Variants in TSHZ3 observed in about 807,000 individuals in gnomAD.
TSHZ3 encodes teashirt homolog 3.
Under a neutral mutation model 64.5 loss-of-function variants are expected in TSHZ3, and 10 were observed. That is an observed-to-expected ratio of 0.16 (90% CI 0.10 to 0.26). TSHZ3 has a LOEUF of 0.26. TSHZ3 is among the 10% of genes least tolerant of loss of function. The pLI is 1.00. For synonymous variants in TSHZ3, 608 were observed against 593.1 expected (o/e 1.03, Z -0.36); for missense variants, 1,242 against 1,421.7 (o/e 0.87, Z 2.03).
intron 5 of TSHZ3, among the ~76,000 whole-genome samples, chr19:31,200,592 G>A (rs1975068172): frequency 6.6e-6 from 1 of 152,174 alleles, no homozygotes; most frequent in Non-Finnish European, 1.5e-5. Flanking sequence ...CAGGCGAACA[G>A]ACGAAGCACA....
intron 4 of TSHZ3, among the ~76,000 whole-genome samples, chr19:31,214,361 G>A (rs1348529817): frequency 1.3e-5 from 2 of 152,246 alleles, no homozygotes; most frequent in African/African-American, 4.8e-5. Context: ...CCAGCCAAGA[G>A]GAGCTAGCTT....
intron 1 of TSHZ3, among the ~76,000 whole-genome samples, chr19:31,328,615 GGTC>G (rs1372311282): frequency 9.2e-5 from 14 of 152,194 alleles, no homozygotes; most frequent in Middle Eastern, 3.2e-3. Flanking sequence ...AATCTTAACA[GGTC>G]TATTTTTCTT....
Position 31,348,299 on chromosome 19 carries a change from A to G in TSHZ3, c.40+881T>C, listed in dbSNP as rs527488644. Among the ~76,000 whole-genome samples the G allele has an allele frequency of 3.3e-5, 5 of 152,304 alleles. No individual in the cohort carries two copies. The South Asian group carries it at 8.3e-4, about 25-fold the overall frequency. On this transcript the variant is annotated intron_variant, in intron 1 of 1. Coordinates refer to ENST00000240587, the MANE Select transcript of TSHZ3 (RefSeq NM_020856.4). ...AATCAGTCATCAAATCAAGGATGGC[A>G]ACGGGCCAGAAACCCTTCTTCCAGG...
chr19:31,227,335 G>T lies in TSHZ3; in HGVS notation n.686+670C>A, dbSNP rs868453095. On this transcript the variant is annotated intron_variant and non_coding_transcript_variant, in intron 4 of 6. Coordinates refer to the TSHZ3 transcript ENST00000651361. ...TGACAGATCTACCCAGAATCAGATT[G>T]GTATAAAGAGAGTTACTGAGTCAAA... Among the ~76,000 whole-genome samples the T allele has an allele frequency of 5.9e-5, 9 of 152,004 alleles. No individual in the cohort carries two copies. In the Middle Eastern group the frequency reaches 0.01, roughly 172 times the overall value.
At position 31,247,855 on chromosome 19, in the gene TSHZ3, AGTGTGT is replaced by A. The variant is rs34849874; in HGVS notation, n.64-4986_64-4981del. On this transcript the variant is annotated intron_variant and non_coding_transcript_variant, in intron 1 of 6. Transcript: ENST00000651361. Reference sequence around the variant, plus strand: ...AAAGTGCGTGTATACACACAATTACAGTGTGTGTGTGTGTGTGTATGTATGTATGTA... The same window carrying A: ...AAAGTGCGTGTATACACACAATTACAGTGTGTGTGTGTATGTATGTATGTA... Among the ~76,000 whole-genome samples the A allele has an allele frequency of 4.6e-5, 7 of 150,598 alleles. No homozygotes were observed. In the East Asian group the frequency reaches 1.2e-3, roughly 25 times the overall value.
intron 1 of TSHZ3, among the ~76,000 whole-genome samples, chr19:31,304,515 A>C (rs1976807305): frequency 6.6e-6 from 1 of 152,198 alleles, no homozygotes; most frequent in East Asian, 1.9e-4. Flanking sequence ...ACAACAACAA[A>C]AAATTAATCT....
intron 4 of TSHZ3, among the ~76,000 whole-genome samples, chr19:31,221,353 G>A (rs1975392913): frequency 6.6e-6 from 1 of 152,124 alleles, no homozygotes; most frequent in Admixed American, 6.5e-5. Context: ...TTGAGACACA[G>A]GAGTGTCAAG....
rs1315875795 is a variant in TSHZ3 at position 31,349,421 on chromosome 19, G to T, written c.-202C>A. 2.4e-6 allele frequency: 1 copy of T among 412,468 alleles called. No individual in the cohort carries two copies. Among genetic ancestry groups the T allele is most frequent in the Non-Finnish European group, 4.2e-6 (1 of 240,642 alleles). The allele number at this position is 412,468 out of a possible 1,614,324, so 25.6% of individuals were successfully genotyped here. ...CCGCGCTCCGCCGCGAACCCCGAAC[G>T]TGCGGAGGGAAGAAGGAGGGCGGGC... On this transcript the variant is annotated 5_prime_UTR_variant, in exon 1 of 2. Transcript: ENST00000240587.
At chr19:31,210,503 C>T (rs1020565733) in intron 4 of TSHZ3, among the ~76,000 whole-genome samples, 1 of 152,092 alleles carries the variant, frequency 6.6e-6, no homozygotes, top group African/African-American at 2.4e-5. Context: ...TTCTGTGTCT[C>T]GGGCCTCAGG....
chr19:31,225,103 TC>T (rs1462796448), intron 4 of TSHZ3, among the ~76,000 whole-genome samples: 1 of 152,118 alleles, frequency 6.6e-6, no homozygotes, highest in East Asian at 1.9e-4. Context: ...ACCTCCTAAA[TC>T]AGAAAAGGGG....
At chr19:31,183,927 T>C (rs1350012073) in intron 5 of TSHZ3, among the ~76,000 whole-genome samples, 1 of 152,128 alleles carries the variant, frequency 6.6e-6, no homozygotes, top group Non-Finnish European at 1.5e-5. Context: ...GCTCAAGAAA[T>C]TGCTGAGCAA....
At chr19:31,165,687 T>G (rs970777618) in intron 5 of TSHZ3, among the ~76,000 whole-genome samples, 2 of 152,054 alleles carry the variant, frequency 1.3e-5, no homozygotes, top group African/African-American at 4.8e-5. Flanking sequence ...ACTCTGTGGG[T>G]GGGTATTTGT....
intron 1 of TSHZ3, among the ~76,000 whole-genome samples, chr19:31,323,581 G>A (rs1277196367): frequency 6.6e-6 from 1 of 151,982 alleles, no homozygotes; most frequent in Non-Finnish European, 1.5e-5. Context: ...TCTACCAAGT[G>A]GGAGCACTGG....
intron 5 of TSHZ3, among the ~76,000 whole-genome samples, chr19:31,174,917 C>A (rs1974586735): frequency 6.6e-6 from 1 of 152,178 alleles, no homozygotes; most frequent in Non-Finnish European, 1.5e-5. Context: ...CCAAATCCCC[C>A]CTGCATGCAT....
At chr19:31,293,963 G>A (rs147835322) in intron 1 of TSHZ3, among the ~76,000 whole-genome samples, 3 of 152,236 alleles carry the variant, frequency 2.0e-5, no homozygotes, top group African/African-American at 4.8e-5. Context: ...GAAGTCCCAC[G>A]TGCTCTCTGA....
In TSHZ3 at chr19:31,279,614, T is replaced by G. The variant is rs1265817734; in HGVS notation, c.179A>C (p.Gln60Pro). 2 of 1,612,194 alleles carry G rather than the reference T, an allele frequency of 1.2e-6. No individual in the cohort carries two copies. Among genetic ancestry groups the G allele is most frequent in the Non-Finnish European group, 1.7e-6 (2 of 1,178,968 alleles). Reference protein sequence around the residue: ...KELARACPSYQNSPAAEFSCH... With the variant: ...KELARACPSYPNSPAAEFSCH... Reference sequence around the variant, plus strand: ...GGAAAACTCGGCGGCCGGGGAGTTCTGGTAGCTGGGGCAGGCCCTGGCGAG... The same window carrying G: ...GGAAAACTCGGCGGCCGGGGAGTTCGGGTAGCTGGGGCAGGCCCTGGCGAG... Residue 60 changes from glutamine (Q) to proline (P), a missense_variant, in exon 2 of 2, where the codon CAG becomes CCG. By Grantham distance (76) the Gln-to-Pro change is moderately conservative. This residue lies in a region of TSHZ3 where 555 missense variants were observed against 704.0 expected (regional missense o/e 0.79). Transcript: ENST00000240587. This position sits in a 1 kb window ranked among gnomAD's most constrained non-coding sequence, Gnocchi z 6.4.
At chr19:31,214,199 C>T (rs1275721285) in intron 4 of TSHZ3, among the ~76,000 whole-genome samples, 1 of 152,230 alleles carries the variant, frequency 6.6e-6, no homozygotes, top group Non-Finnish European at 1.5e-5. Context: ...CACTCTCCGT[C>T]ATTCATGTAA....
At chr19:31,290,887 C>T (rs918442857) in intron 1 of TSHZ3, among the ~76,000 whole-genome samples, 3 of 152,168 alleles carry the variant, frequency 2.0e-5, no homozygotes, top group African/African-American at 4.8e-5. Flanking sequence ...AGATTGATTG[C>T]TCTTCCCACT....
At chr19:31,347,626 T>A (rs2021556248) in intron 1 of TSHZ3, among the ~76,000 whole-genome samples, 1 of 152,116 alleles carries the variant, frequency 6.6e-6, no homozygotes, top group Non-Finnish European at 1.5e-5. Context: ...TCCAGGAGGT[T>A]AACTAGGGAG....
Sources: allele counts gnomAD v4.1 joint callset (sites outside exome capture counted in the v4.1 genomes callset), GRCh38; gene constraint gnomAD v4.1.1; regional missense constraint gnomAD v4.1.1; non-coding constraint Gnocchi (gnomAD v3.1); transcripts MANE v1.5; gene names NCBI Gene and HGNC (gene_info 2026-07-23, HGNC 2026-07-21).